Variants in TTLL8 observed in about 807,000 individuals in gnomAD.
TTLL8 encodes the protein protein monoglycylase TTLL8.
Under a neutral mutation model 77.8 loss-of-function variants are expected in TTLL8, and 65 were observed. That is an observed-to-expected ratio of 0.84 (90% CI 0.68 to 1.03). TTLL8 has a LOEUF of 1.03. Among genes scored for constraint, TTLL8 ranks in the 50% least tolerant of loss-of-function variants. TTLL8 has a pLI of 0.00. For missense variants in TTLL8, 910 were observed against 1,004.5 expected, an observed-to-expected ratio of 0.91 and a Z score of 1.27; for synonymous variants, 402 against 422.8, an observed-to-expected ratio of 0.95 and a Z score of 0.60.
chr22:50,043,931 A>T (rs561696593), intron 6 of TTLL8, among the ~76,000 whole-genome samples: 1 of 152,300 alleles, frequency 6.6e-6, no homozygotes, highest in East Asian at 1.9e-4. Context: ...TGATACTGGA[A>T]TGGTGGATAC....
chr22:50,041,365 C>A lies in TTLL8; in HGVS notation c.831-88G>T, dbSNP rs1475477381. On this transcript the variant is annotated intron_variant, in intron 7 of 13. Transcript: ENST00000266182. This position sits in a 1 kb window ranked among gnomAD's most constrained non-coding sequence, Gnocchi z 4.3. ...TGGGCACCCCGACACCCATAAGGCA[C>A]CCCAAGATCCAGACAGACACCCCAA... 1.4e-6 allele frequency: 1 copy of A among 701,842 alleles called. No individual in the cohort carries two copies. Among genetic ancestry groups the A allele is most frequent in the African/African-American group, 1.9e-5 (1 of 52,890 alleles). The allele number at this position is 701,842 out of a possible 1,614,324, so 43.5% of individuals were successfully genotyped here.
At chr22:50,057,037 A>G, upstream of TTLL8, 2 of 1,159,212 alleles carry the variant, frequency 1.7e-6, no homozygotes, top group Non-Finnish European at 2.3e-6. Context: ...GGGGATGGAG[A>G]GGGTTCTGAG....
chr22:50,029,685 C>T (rs538762815), intron 12 of TTLL8, among the ~76,000 whole-genome samples: 6 of 152,236 alleles, frequency 3.9e-5, no homozygotes, highest in East Asian at 3.9e-4. Context: ...GAGCCGAGAT[C>T]GCGCCACGGC....
chr22:50,020,859 TGAC>T (rs1436831236), intron 12 of TTLL8, among the ~76,000 whole-genome samples: 8 of 143,730 alleles, frequency 5.6e-5, no homozygotes, highest in Non-Finnish European at 9.1e-5. Flanking sequence ...CTCCTACATC[TGAC>T]GACGTGCACT....
At chr22:50,050,272 T>C in intron 1 of TTLL8, 25 bp from the exon 4 acceptor site, 1 of 1,301,136 alleles carries the variant, frequency 7.7e-7, no homozygotes, top group Non-Finnish European at 1.0e-6. Flanking sequence ...GGATATTTTA[T>C]TTTATTTCAA....
At chr22:50,054,636 G>A (rs745387761), upstream of TTLL8, 3 of 215,760 alleles carry the variant, frequency 1.4e-5, no homozygotes, top group Non-Finnish European at 3.3e-5. Context: ...TGCTTCCTGT[G>A]GGGATAAGCA....
At chr22:50,033,421 T>C in exon 10 of TTLL8, 1 of 1,364,690 alleles carries the variant, frequency 7.3e-7, no homozygotes, top group Non-Finnish European at 9.8e-7. Context: ...CAGGATCTCC[T>C]CCACACGGTC....
At chr22:50,051,137 C>T (rs747014371) in intron 1 of TTLL8, among the ~76,000 whole-genome samples, 5 of 152,240 alleles carry the variant, frequency 3.3e-5, no homozygotes, top group Non-Finnish European at 5.9e-5. Flanking sequence ...GCTGGGATTA[C>T]AGGCGTGAGC....
At chr22:50,029,717 C>T (rs1352394333) in intron 12 of TTLL8, among the ~76,000 whole-genome samples, 3 of 152,098 alleles carry the variant, frequency 2.0e-5, no homozygotes, top group Non-Finnish European at 2.9e-5. Context: ...AGCAACAGAG[C>T]AAGACTCTGT....
At chr22:50,035,383 G>A (rs112896060) in intron 8 of TTLL8, among the ~76,000 whole-genome samples, 171 of 152,316 alleles carry the variant, frequency 1.1e-3, no homozygotes, top group African/African-American at 3.9e-3. Flanking sequence ...AGGGAGAAGT[G>A]AGGCTGGGGT....
chr22:50,046,047 C>T lies in TTLL8; in HGVS notation c.394-77G>A. 3 of 1,255,692 alleles carry T rather than the reference C, an allele frequency of 2.4e-6. No individual in the cohort carries two copies. In the South Asian group the frequency reaches 3.8e-5, roughly 16 times the overall value. 77.8% of individuals were successfully genotyped at this position (1,255,692 alleles called of 1,614,324 possible). ...CCTCGCTCACAAGGCGAGGACGGGC[C>T]GTCCACCTCAGACTTGCCTGGCTAT... On this transcript the variant is annotated intron_variant, in intron 4 of 13. Transcript: ENST00000266182.
intron 11 of TTLL8, 148 bp from the exon 13 acceptor site, chr22:50,031,073 A>AC (rs1192590033): frequency 2.3e-5 from 16 of 694,650 alleles, no homozygotes; most frequent in South Asian, 1.1e-4. Flanking sequence ...TCCCACGCAG[A>AC]CCCCCAGGAG....
At chr22:50,031,568 T>C (rs2061293090) in intron 11 of TTLL8, 118 bp downstream of exon 12, 2 of 1,187,700 alleles carry the variant, frequency 1.7e-6, no homozygotes, top group Non-Finnish European at 2.1e-6. Flanking sequence ...AGGATCGGTG[T>C]CCTCCATAGA....
chr22:50,057,441 T>G (rs1165808148), upstream of TTLL8, among the ~76,000 whole-genome samples: 1 of 66,154 alleles, frequency 1.5e-5, no homozygotes. Context: ...CAGGTCTGGG[T>G]TGGGGGTCAG....
intron 12 of TTLL8, among the ~76,000 whole-genome samples, chr22:50,020,683 G>A (rs553568170): frequency 4.3e-5 from 6 of 138,300 alleles, no homozygotes; most frequent in African/African-American, 1.1e-4. Flanking sequence ...ATCTGACAAC[G>A]TGCACTCCTC....
intron 1 of TTLL8, among the ~76,000 whole-genome samples, chr22:50,052,220 G>A (rs1464005222): frequency 1.3e-5 from 2 of 152,216 alleles, no homozygotes; most frequent in Admixed American, 6.5e-5. Context: ...TGGGGAGAAC[G>A]GTGGGGGAGC....
At position 50,036,602 on chromosome 22, in the gene TTLL8, C is replaced by CT. The variant is rs763378045; in HGVS notation, c.922-2141dup. Among the ~76,000 whole-genome samples the CT allele has an allele frequency of 1.8e-3, 255 of 141,140 alleles. 1 individual carries two copies. Among genetic ancestry groups the CT allele is most frequent in the Non-Finnish European group, 2.4e-3 (155 of 64,374 alleles). 92.6% of individuals were successfully genotyped at this position (141,140 alleles called of 152,430 possible). On this transcript the variant is annotated intron_variant, in intron 8 of 13. Transcript: ENST00000266182. ...GTGTGTGGCCTCTTTCTTTTCTTTT[C>CT]TTTTTTTTTTTTTTTAAGACTGAGT...
At chr22:50,022,537 T>TGTGTAC (rs2061210744) in intron 12 of TTLL8, among the ~76,000 whole-genome samples, 2 of 136,082 alleles carry the variant, frequency 1.5e-5, no homozygotes, top group Non-Finnish European at 3.2e-5. Context: ...CTGACATGCA[T>TGTGTAC]TCCTCCATCT....
chr22:50,046,438 G>A (rs371390473), intron 4 of TTLL8, among the ~76,000 whole-genome samples: 133 of 152,330 alleles, frequency 8.7e-4, no homozygotes, highest in South Asian at 7.9e-3. Flanking sequence ...TGAAGTCCCC[G>A]CACCCCGATG....
Sources: allele counts gnomAD v4.1 joint callset (sites outside exome capture counted in the v4.1 genomes callset), GRCh38; gene constraint gnomAD v4.1.1; non-coding constraint Gnocchi (gnomAD v3.1); transcripts MANE v1.5; gene names NCBI Gene and HGNC (gene_info 2026-07-23, HGNC 2026-07-21).